Variants in ADGRB3 observed in about 807,000 individuals in gnomAD.
ADGRB3 encodes adhesion G protein-coupled receptor B3.
In ADGRB3, 37 loss-of-function variants were observed where a neutral mutation model predicts 193.4. The observed-to-expected ratio is 0.19, with a 90% CI of 0.15 to 0.25. The LOEUF is 0.25. Ranked by LOEUF, ADGRB3 falls within the 10% of genes least tolerant of loss-of-function variation. The pLI, the probability that ADGRB3 is intolerant of heterozygous loss-of-function variation, is 1.00. For missense variants in ADGRB3, 1,637 were observed against 1,852.9 expected (o/e 0.88, Z 2.14); for synonymous variants, 690 against 644.2 (o/e 1.07, Z -1.08).
chr6:68,806,339 G>T (rs1402436140), intron 3 of ADGRB3, among the ~76,000 whole-genome samples: 2 of 151,870 alleles, frequency 1.3e-5, no homozygotes, highest in Non-Finnish European at 2.9e-5. Context: ...TTCACATATT[G>T]CCAGACAGAA....
intron 3 of ADGRB3, among the ~76,000 whole-genome samples, chr6:68,730,731 T>A (rs1765758012): frequency 6.6e-6 from 1 of 151,688 alleles, no homozygotes; most frequent in Non-Finnish European, 1.5e-5. Flanking sequence ...AACTCAGTTA[T>A]AAAGAGATGT....
At chr6:69,068,933 T>C (rs958888917) in intron 16 of ADGRB3, among the ~76,000 whole-genome samples, 3 of 148,948 alleles carry the variant, frequency 2.0e-5, no homozygotes, top group Non-Finnish European at 4.4e-5. Flanking sequence ...CTAAAGCCAA[T>C]TTTTTTTTCA....
At chr6:68,718,238 CAA>C (rs1320189146) in intron 3 of ADGRB3, among the ~76,000 whole-genome samples, 1 of 151,648 alleles carries the variant, frequency 6.6e-6, no homozygotes, top group Non-Finnish European at 1.5e-5. Flanking sequence ...AGAGTCATAA[CAA>C]TGTTTGCTCA....
At position 69,361,281 on chromosome 6, in the gene ADGRB3, G is replaced by A. The variant is rs913543; in HGVS notation, c.4008G>A (p.Pro1336=). The change falls in exon 29 of 32, where the codon CCG becomes CCA. Residue 1336 remains proline (P), a synonymous_variant. Transcript: ENST00000370598. ...TGAATATTGGCATGGAAACCTTGCC[G>A]CATGAAAGGCTATTGCACTACAAAG... ...SKMNIGMETL[P]HERLLHYKVN... is the part of the protein sequence containing the mutation. The A allele has an allele frequency of 0.46, 744,473 of 1,612,322 alleles. 179,039 individuals carry two copies. Among genetic ancestry groups the A allele is most frequent in the East Asian group, 0.8 (35,934 of 44,826 alleles).
intron 20 of ADGRB3, among the ~76,000 whole-genome samples, chr6:69,266,661 TATACACACATAC>T (rs1183939544): frequency 6.6e-6 from 1 of 152,050 alleles, no homozygotes; most frequent in Non-Finnish European, 1.5e-5. Flanking sequence ...TACACAGATA[TATACACACATAC>T]ATACACACAA....
At position 68,638,706 on chromosome 6, in the gene ADGRB3, A is replaced by G. The variant is rs919904915; in HGVS notation, c.31A>G (p.Ile11Val). 2.5e-6 allele frequency: 4 copies of G among 1,613,912 alleles called. No individual in the cohort carries two copies. The highest frequency in any genetic ancestry group is 2.2e-5 in the South Asian group (2 of 91,080). ...GGCTGTTCGTAACCTGCTGATTTATATATTTTCCACCTATCTCCTGGTTAT... is the reference window on the plus strand; with the variant it reads ...GGCTGTTCGTAACCTGCTGATTTATGTATTTTCCACCTATCTCCTGGTTAT... MKAVRNLLIY[I>V]FSTYLLVMFG... Residue 11 changes from isoleucine to valine, a missense_variant, in exon 3 of 32, where the codon ATA becomes GTA. By Grantham distance (29) the Ile-to-Val change is conservative. Transcript: ENST00000370598.
In ADGRB3 at chr6:68,993,918, A is replaced by G. The variant is rs765974548; in HGVS notation, c.1885A>G (p.Thr629Ala). 5.0e-6 allele frequency: 8 copies of G among 1,613,730 alleles called. No homozygotes were observed. In the South Asian group the frequency reaches 6.6e-5, roughly 13 times the overall value. ...GGAGATCCTGAGAAATGTGACAGAC[A>G]CATTTAAAAGGGCAAGTTACATCCC... Reference protein sequence around the residue: ...SVEILRNVTDTFKRASYIPAS... With the variant: ...SVEILRNVTDAFKRASYIPAS... Residue 629 changes from threonine (T) to alanine (A), a missense_variant, in exon 11 of 32, where the codon ACA (threonine) becomes GCA (alanine). Thr to Ala is a moderately conservative substitution (Grantham distance 58). Transcript: ENST00000370598.
At chr6:68,924,253 A>G (rs1160901678) in intron 3 of ADGRB3, among the ~76,000 whole-genome samples, 1 of 152,044 alleles carries the variant, frequency 6.6e-6, no homozygotes, top group Admixed American at 6.6e-5. Flanking sequence ...ACATTGATGA[A>G]TTCTTGCATG....
At chr6:68,804,229 C>T (rs940912824) in intron 3 of ADGRB3, among the ~76,000 whole-genome samples, 2 of 152,138 alleles carry the variant, frequency 1.3e-5, no homozygotes, top group African/African-American at 2.4e-5. Flanking sequence ...TTTATACCTT[C>T]GGGCCTTGGA....
chr6:69,127,100 G>A (rs556659061), intron 17 of ADGRB3, among the ~76,000 whole-genome samples: 24 of 152,244 alleles, frequency 1.6e-4, no homozygotes, highest in Non-Finnish European at 2.6e-4. Flanking sequence ...CCCACCATGG[G>A]GATATGTGTT....
chr6:68,655,639 A>G (rs1018650788), intron 3 of ADGRB3, among the ~76,000 whole-genome samples: 6 of 151,860 alleles, frequency 4.0e-5, no homozygotes, highest in African/African-American at 1.4e-4. Context: ...CATGCACATG[A>G]GAAAAAATTT....
chr6:69,117,940 C>T (rs1457281194), intron 17 of ADGRB3, among the ~76,000 whole-genome samples: 1 of 152,170 alleles, frequency 6.6e-6, no homozygotes. Context: ...TGTCTGATTG[C>T]AGCATTCAAG....
At chr6:68,904,768 A>T (rs1766496394) in intron 3 of ADGRB3, among the ~76,000 whole-genome samples, 1 of 152,156 alleles carries the variant, frequency 6.6e-6, no homozygotes, top group South Asian at 2.1e-4. Flanking sequence ...GGCATCCAGG[A>T]ATCCATTGGT....
At chr6:69,027,648 A>G (rs1000923938) in intron 13 of ADGRB3, among the ~76,000 whole-genome samples, 1 of 152,220 alleles carries the variant, frequency 6.6e-6, no homozygotes, top group African/African-American at 2.4e-5. Context: ...TGGAGATATT[A>G]TAATAGACTA....
chr6:68,741,943 G>A (rs1033330757), intron 3 of ADGRB3, among the ~76,000 whole-genome samples: 17 of 152,100 alleles, frequency 1.1e-4, no homozygotes, highest in African/African-American at 4.1e-4. Context: ...AAGTAGGAAG[G>A]ACCACATGGG....
chr6:68,874,475 GC>G (rs1384237848), intron 3 of ADGRB3, among the ~76,000 whole-genome samples: 1 of 151,920 alleles, frequency 6.6e-6, no homozygotes, highest in African/African-American at 2.4e-5. Context: ...TGACACTCTG[GC>G]CTTTTAGAAG....
intron 17 of ADGRB3, among the ~76,000 whole-genome samples, chr6:69,122,365 C>T (rs936527269): frequency 8.0e-5 from 12 of 150,416 alleles, no homozygotes; most frequent in African/African-American, 2.4e-4. Context: ...AGGAGAACCA[C>T]GGGAGCCCGG....
At chr6:68,925,724 C>G (rs1767161027) in intron 3 of ADGRB3, among the ~76,000 whole-genome samples, 1 of 151,860 alleles carries the variant, frequency 6.6e-6, no homozygotes, top group Admixed American at 6.6e-5. Flanking sequence ...AAAAATGAGT[C>G]TCAAATGTAG....
intron 3 of ADGRB3, among the ~76,000 whole-genome samples, chr6:68,725,080 C>A (rs74965977): frequency 6.6e-6 from 1 of 151,550 alleles, no homozygotes; most frequent in South Asian, 2.1e-4. Flanking sequence ...ATTAGAAAAG[C>A]ATTGGTATAG....
Sources: allele counts gnomAD v4.1 joint callset (sites outside exome capture counted in the v4.1 genomes callset), GRCh38; gene constraint gnomAD v4.1.1; transcripts MANE v1.5; gene names NCBI Gene and HGNC (gene_info 2026-07-23, HGNC 2026-07-21).